Variants in AHRR observed in about 807,000 individuals in gnomAD.
The protein encoded by AHRR is aryl hydrocarbon receptor repressor.
AHRR carries 28 observed loss-of-function variants against 44.0 expected under a neutral mutation model. The ratio of observed to expected loss-of-function variants is 0.64; its 90% CI spans 0.47 to 0.87. The LOEUF is 0.87. Among genes scored for constraint, AHRR ranks in the 40% least tolerant of loss-of-function variants. The probability of loss-of-function intolerance (pLI) is 0.00; values close to 1 mark genes in which losing one functional copy is unlikely to be tolerated. For missense variants in AHRR, 990 were observed against 953.9 expected, an observed-to-expected ratio of 1.04 and a Z score of -0.50; for synonymous variants, 434 against 407.0, an observed-to-expected ratio of 1.07 and a Z score of -0.80.
rs559368770 is a variant in AHRR at position 328,030 on chromosome 5, C to T, written c.-11+6211C>T. 9.8e-4 allele frequency among the ~76,000 whole-genome samples: 149 copies of T among 152,036 alleles called. 1 individual carries two copies. The highest frequency in any genetic ancestry group is 3.5e-3 in the African/African-American group (144 of 41,476). On this transcript the variant is annotated intron_variant, in intron 1 of 10. Transcript: ENST00000684583. ...ATTCCCACCTATGAGTGAGAACATG[C>T]GGTGTTTGTTTTTTTGTCCTTGTGA...
intron 7 of AHRR, among the ~76,000 whole-genome samples, chr5:424,579 G>C (rs1736302044): frequency 6.6e-6 from 1 of 151,806 alleles, no homozygotes; most frequent in Non-Finnish European, 1.5e-5. Flanking sequence ...GGACAAGCCA[G>C]GTCGATGAGA....
intron 1 of AHRR, among the ~76,000 whole-genome samples, chr5:341,754 A>G (rs1742358523): frequency 6.6e-6 from 1 of 151,730 alleles, no homozygotes; most frequent in Admixed American, 6.6e-5. Context: ...CTTCTGTTCA[A>G]TTTGGGTTTA....
chr5:425,707 A>G (rs981851058), intron 7 of AHRR, among the ~76,000 whole-genome samples: 4 of 152,244 alleles, frequency 2.6e-5, no homozygotes, highest in African/African-American at 9.6e-5. Context: ...GGAATTGTCA[A>G]ACAAAGAACT....
At position 425,770 on chromosome 5, in the gene AHRR, A is replaced by C. The variant is rs1376079358; in HGVS notation, c.708+1793A>C. The stretch of plus-strand genomic sequence containing the variant: ...AGATTGATGCTAAAATATTGCAATA[A>C]GGTTTACACAAATACGTGTCTGATT... On this transcript the variant is annotated intron_variant, in intron 7 of 10. Coordinates refer to ENST00000684583, the MANE Select transcript of AHRR (RefSeq NM_001377236.1). Among the ~76,000 whole-genome samples the C allele has an allele frequency of 2.0e-5, 3 of 152,256 alleles. No individual in the cohort carries two copies. In the East Asian group the frequency reaches 5.8e-4, roughly 29 times the overall value.
At chr5:427,004 A>G (rs993120960) in intron 7 of AHRR, among the ~76,000 whole-genome samples, 2 of 144,724 alleles carry the variant, frequency 1.4e-5, no homozygotes, top group African/African-American at 5.1e-5. Context: ...GTGAAGATGG[A>G]TGGGTGGGTG....
chr5:399,616 G>A (rs74805917), intron 4 of AHRR, among the ~76,000 whole-genome samples: 4,098 of 152,292 alleles, frequency 0.027, 177 homozygotes, highest in African/African-American at 0.089. Flanking sequence ...AGGAAACCAA[G>A]GCCCAGAGAG....
At chr5:375,286 C>T (rs888197960) in intron 3 of AHRR, among the ~76,000 whole-genome samples, 7 of 152,216 alleles carry the variant, frequency 4.6e-5, no homozygotes, top group African/African-American at 1.2e-4. Context: ...CAAATAGACA[C>T]GTGCGCTTTT....
intron 1 of AHRR, among the ~76,000 whole-genome samples, chr5:329,602 A>G (rs1298324160): frequency 6.6e-6 from 1 of 152,224 alleles, no homozygotes; most frequent in East Asian, 1.9e-4. Context: ...TGGTCATTTT[A>G]ACAATGTGAA....
chr5:350,775 TAAA>T (rs11306149), intron 2 of AHRR, among the ~76,000 whole-genome samples: 29 of 133,448 alleles, frequency 2.2e-4, no homozygotes, highest in Admixed American at 3.0e-4. Flanking sequence ...GGTGCAACAT[TAAA>T]AAAAAAAAAA....
chr5:398,291 GTGT>G (rs1734851424), intron 4 of AHRR, among the ~76,000 whole-genome samples: 1 of 145,142 alleles, frequency 6.9e-6, no homozygotes, highest in African/African-American at 2.6e-5. Context: ...CTGACCATCC[GTGT>G]TAGCCCCTGA....
rs1579661857 is a variant in AHRR at position 395,069 on chromosome 5, C to T, written c.352-18275C>T. Among the ~76,000 whole-genome samples the T allele has an allele frequency of 1.3e-5, 2 of 152,320 alleles. No individual in the cohort carries two copies. Among genetic ancestry groups the T allele is most frequent in the East Asian group, 3.9e-4 (2 of 5,176 alleles). On this transcript the variant is annotated intron_variant, in intron 4 of 10. Coordinates refer to ENST00000684583, the MANE Select transcript of AHRR (RefSeq NM_001377236.1). The surrounding 1 kb of genome is among the most constrained non-coding windows in gnomAD (Gnocchi z 5.3). Reference sequence around the variant, plus strand: ...AAGGCAGGACGGGAAAGTGATTTCTCCCACCTGTATTTTGACTGTGACCCC... The same window carrying T: ...AAGGCAGGACGGGAAAGTGATTTCTTCCACCTGTATTTTGACTGTGACCCC...
At chr5:367,739 C>T (rs914241893) in intron 3 of AHRR, 29 of 650,860 alleles carry the variant, frequency 4.5e-5, no homozygotes, top group African/African-American at 8.9e-5. Context: ...CTCTGCTGCT[C>T]GTTCTCTCCT....
chr5:428,106 C>T, intron 8 of AHRR, 100 bp downstream of exon 8: 1 of 1,339,068 alleles, frequency 7.5e-7, no homozygotes, highest in South Asian at 1.3e-5. Context: ...TCTTCATTTC[C>T]AGCCAGTAAT....
At chr5:393,830 G>T (rs1434802886) in intron 4 of AHRR, among the ~76,000 whole-genome samples, 1 of 152,146 alleles carries the variant, frequency 6.6e-6, no homozygotes, top group Admixed American at 6.5e-5. Context: ...TAGAGATGGG[G>T]TTTCACCATG....
chr5:349,835 C>T (rs1168808779), intron 2 of AHRR, among the ~76,000 whole-genome samples: 5 of 152,282 alleles, frequency 3.3e-5, no homozygotes, highest in African/African-American at 1.2e-4. Context: ...CTTGGATATA[C>T]GGTTGATCCA....
intron 2 of AHRR, among the ~76,000 whole-genome samples, chr5:348,701 C>T (rs1022371561): frequency 4.6e-5 from 7 of 152,136 alleles, no homozygotes; most frequent in African/African-American, 9.7e-5. Flanking sequence ...TTTATTGCTG[C>T]GAAATGTTCT....
At chr5:407,651 C>T (rs902117649) in intron 4 of AHRR, among the ~76,000 whole-genome samples, 4 of 152,232 alleles carry the variant, frequency 2.6e-5, no homozygotes, top group South Asian at 4.1e-4. Flanking sequence ...GCCATTCTCC[C>T]GCCTCAGCCT....
chr5:422,878 G>A lies in AHRR; in HGVS notation c.571+20G>A. The A allele has an allele frequency of 1.9e-6, 3 of 1,600,852 alleles. No individual in the cohort carries two copies. The highest frequency in any genetic ancestry group is 2.6e-6 in the Non-Finnish European group (3 of 1,173,518). The stretch of plus-strand genomic sequence containing the variant: ...AGACAGGTGGGTGTCTGGGGTCCAA[G>A]TGAGTCAGCAAAACCTAAAGCAGGT... On this transcript the variant is annotated intron_variant, in intron 6 of 10. Transcript: ENST00000684583.
At chr5:397,494 GCCC>G (rs1734781935) in intron 4 of AHRR, among the ~76,000 whole-genome samples, 1 of 93,724 alleles carries the variant, frequency 1.1e-5, no homozygotes, top group Non-Finnish European at 2.3e-5. Context: ...CATCCACGTA[GCCC>G]CTGACCATCC....
Sources: gnomAD v4.1 joint callset for allele counts (sites outside exome capture counted in the v4.1 genomes callset) on GRCh38, gnomAD v4.1.1 for gene constraint, Gnocchi (gnomAD v3.1) non-coding constraint, MANE v1.5 for transcripts, NCBI Gene and HGNC (gene_info 2026-07-23, HGNC 2026-07-21) for gene names.